Variants in KIF2A observed in about 807,000 individuals in gnomAD.
KIF2A encodes kinesin-like protein KIF2A.
A neutral mutation model predicts 100.2 loss-of-function variants in KIF2A; 22 were observed. The observed-to-expected ratio is 0.22, with a 90% CI of 0.16 to 0.31. KIF2A has a LOEUF of 0.31. Among genes scored for constraint, KIF2A ranks in the 10% least tolerant of loss-of-function variants. KIF2A has a pLI of 1.00. For synonymous variants in KIF2A, 268 were observed against 285.9 expected, an observed-to-expected ratio of 0.94 and a Z score of 0.63; for missense variants, 495 against 898.7, an observed-to-expected ratio of 0.55 and a Z score of 5.74.
intron 1 of KIF2A, among the ~76,000 whole-genome samples, chr5:62,307,586 C>G (rs984689839): frequency 2.6e-5 from 4 of 151,130 alleles, no homozygotes; most frequent in African/African-American, 9.7e-5. Flanking sequence ...GTGATAATCT[C>G]GAGTTGAGCA....
intron 1 of KIF2A, among the ~76,000 whole-genome samples, chr5:62,335,428 C>T (rs964593042): frequency 1.3e-5 from 2 of 152,170 alleles, no homozygotes; most frequent in African/African-American, 2.4e-5. Flanking sequence ...CACTCTGTCC[C>T]TCAGATCCTC....
intron 18 of KIF2A, among the ~76,000 whole-genome samples, chr5:62,375,222 CTG>C (rs1401641204): frequency 1.3e-5 from 2 of 152,092 alleles, no homozygotes; most frequent in East Asian, 3.9e-4. Flanking sequence ...GGGTTCTTTT[CTG>C]TGTGTGAGAT....
chr5:62,361,581 A>T (rs1472596822), intron 11 of KIF2A, 52 bp downstream of exon 11: 1 of 1,032,260 alleles, frequency 9.7e-7, no homozygotes, highest in East Asian at 2.4e-5. Flanking sequence ...GGTATTATTC[A>T]GGTAACTTTG....
At chr5:62,376,817 G>A (rs749757586) in intron 18 of KIF2A, among the ~76,000 whole-genome samples, 16 of 152,088 alleles carry the variant, frequency 1.1e-4, no homozygotes, top group East Asian at 1.9e-4. Flanking sequence ...GCTATAGGAC[G>A]AAAATATGAA....
intron 2 of KIF2A, 96 bp downstream of exon 2, chr5:62,347,320 G>T: frequency 1.5e-6 from 1 of 672,226 alleles, no homozygotes; most frequent in South Asian, 2.2e-5. Context: ...TTTATTTAGT[G>T]CATATATTTT....
chr5:62,343,025 T>A (rs970399181), intron 1 of KIF2A, among the ~76,000 whole-genome samples: 4 of 152,172 alleles, frequency 2.6e-5, no homozygotes, highest in Non-Finnish European at 5.9e-5. Flanking sequence ...GTGCTGGGAT[T>A]ACAGGCGTGA....
intron 1 of KIF2A, among the ~76,000 whole-genome samples, chr5:62,346,721 C>T (rs1427485239): frequency 2.0e-5 from 3 of 152,156 alleles, no homozygotes; most frequent in Admixed American, 6.5e-5. Context: ...GCTTAGGTAA[C>T]AGAGCGAGAC....
At chr5:62,346,581 A>T (rs1252761014) in intron 1 of KIF2A, among the ~76,000 whole-genome samples, 1 of 152,148 alleles carries the variant, frequency 6.6e-6, no homozygotes, top group African/African-American at 2.4e-5. Flanking sequence ...CCCTACTAAA[A>T]ATACTAAAAT....
Position 62,365,344 on chromosome 5 carries a change from T to C in KIF2A, c.1569T>C (p.Arg523=), listed in dbSNP as rs183057543. ...LRDSFIGENS[R]TCMIATISPG... ...ATTCTTTCATAGGTGAAAACTCTCG[T>C]ACCTGCATGGTAAGTTTATGTTTAT... is the stretch of plus-strand genomic sequence containing the variant. Residue 523 remains arginine, a synonymous_variant, in exon 15 of 21, where the codon CGT becomes CGC. Transcript: ENST00000407818. The C allele has an allele frequency of 5.5e-5, 84 of 1,526,364 alleles. 1 individual carries two copies. The Admixed American group carries it at 1.1e-3, about 20-fold the overall frequency. 94.6% of individuals were successfully genotyped at this position (1,526,364 alleles called of 1,614,324 possible).
At chr5:62,351,879 TGTG>T (rs1747871067) in intron 4 of KIF2A, among the ~76,000 whole-genome samples, 1 of 152,056 alleles carries the variant, frequency 6.6e-6, no homozygotes, top group South Asian at 2.1e-4. Flanking sequence ...TTTTGCCGGG[TGTG>T]GTGGCTCACG....
intron 1 of KIF2A, among the ~76,000 whole-genome samples, chr5:62,314,758 G>GTTTTTTTT (rs34987605): frequency 5.0e-5 from 5 of 100,902 alleles, no homozygotes; most frequent in Admixed American, 1.3e-4. Context: ...AGAATGAACT[G>GTTTTTTTT]TTTTTTTTTT....
chr5:62,345,417 C>T (rs1455938332), intron 1 of KIF2A, among the ~76,000 whole-genome samples: 1 of 150,166 alleles, frequency 6.7e-6, no homozygotes, highest in African/African-American at 2.5e-5. Flanking sequence ...CATGGTGGTG[C>T]ATGCCTGTAA....
At chr5:62,313,045 T>A (rs1426913339) in intron 1 of KIF2A, among the ~76,000 whole-genome samples, 2 of 152,198 alleles carry the variant, frequency 1.3e-5, no homozygotes, top group African/African-American at 4.8e-5. Context: ...TTGAATATAC[T>A]TCTATTAACA....
intron 1 of KIF2A, among the ~76,000 whole-genome samples, chr5:62,327,060 C>G (rs760279047): frequency 1.3e-5 from 2 of 152,214 alleles, no homozygotes; most frequent in Non-Finnish European, 2.9e-5. Context: ...AATTCACTCC[C>G]TTTTGTTTGA....
rs565698383 is a variant in KIF2A, at chr5:62,385,467, T to G, written c.2150-17T>G. 1 of 1,540,866 alleles carries G rather than the reference T, an allele frequency of 6.5e-7. No homozygotes were observed. The highest frequency in any genetic ancestry group is 2.4e-5 in the East Asian group (1 of 41,430). ...TGTAATACAATACTTATTCCCTCTT[T>G]CTTTTCTTTTTCCAAGATAAAGTGA... On this transcript the variant is annotated splice_polypyrimidine_tract_variant and intron_variant, in intron 20 of 20. Coordinates refer to ENST00000407818, the MANE Select transcript of KIF2A (RefSeq NM_001098511.3).
chr5:62,344,570 G>T (rs1156688528), intron 1 of KIF2A, among the ~76,000 whole-genome samples: 1 of 152,108 alleles, frequency 6.6e-6, no homozygotes, highest in Non-Finnish European at 1.5e-5. Flanking sequence ...TGTATACAAA[G>T]GGCGGTTCAG....
chr5:62,306,398 A>AACC lies in KIF2A; in HGVS notation c.-75_-74insACC. On this transcript the variant is annotated 5_prime_UTR_variant, in exon 1 of 21. Coordinates refer to ENST00000407818, the MANE Select transcript of KIF2A (RefSeq NM_001098511.3). The stretch of plus-strand genomic sequence containing the variant: ...GGCAACCGCTCCCCCTCCCACACCT[A>AACC]CCCCGCCCCCTCCCCGCCTTTTCCG... The AACC allele has an allele frequency of 1.3e-6, 1 of 751,812 alleles. No homozygotes were observed. Among genetic ancestry groups the AACC allele is most frequent in the African/African-American group, 2.0e-5 (1 of 49,062 alleles). The allele number at this position is 751,812 out of a possible 1,614,324, so 46.6% of individuals were successfully genotyped here. A position where few individuals can be genotyped will look rare whatever the true frequency, so the allele number is the denominator to read the frequency against.
intron 16 of KIF2A, among the ~76,000 whole-genome samples, chr5:62,369,007 T>C (rs1427016715): frequency 6.6e-6 from 1 of 152,208 alleles, no homozygotes; most frequent in Non-Finnish European, 1.5e-5. Context: ...CCTAGTGTAA[T>C]AGATTCTTGC....
At chr5:62,363,388 G>A (rs1441913539) in intron 13 of KIF2A, 68 bp downstream of exon 13, 1 of 1,401,006 alleles carries the variant, frequency 7.1e-7, no homozygotes, top group Non-Finnish European at 9.7e-7. Context: ...ATAACAAAAT[G>A]AGGATGTTAT....
Sources: gnomAD v4.1 joint callset for allele counts (sites outside exome capture counted in the v4.1 genomes callset) on GRCh38, gnomAD v4.1.1 for gene constraint, MANE v1.5 for transcripts, NCBI Gene and HGNC (gene_info 2026-07-23, HGNC 2026-07-21) for gene names.